The following MNS1 variants were observed in gnomAD, a reference collection of about 807,000 sequenced individuals.
MNS1 encodes meiosis-specific nuclear structural protein 1.
A neutral mutation model predicts 72.0 loss-of-function variants in MNS1; 63 were observed. The ratio of observed to expected loss-of-function variants is 0.87; its 90% confidence interval spans 0.71 to 1.08. MNS1 has a LOEUF of 1.08. Ranked by LOEUF, MNS1 falls within the 50% of genes least tolerant of loss-of-function variation. MNS1 has a pLI of 0.00. For missense variants in MNS1, 604 were observed against 562.4 expected (o/e 1.07, Z -0.75); for synonymous variants, 188 against 172.1 (o/e 1.09, Z -0.72).
chr15:56,465,112 T>G lies in MNS1; in HGVS notation c.-140A>C. 8.7e-7 allele frequency: 1 copy of G among 1,151,084 alleles called. No homozygotes were observed. Among genetic ancestry groups the G allele is most frequent in the Non-Finnish European group, 1.2e-6 (1 of 805,760 alleles). 71.3% of individuals were successfully genotyped at this position (1,151,084 alleles called of 1,614,324 possible). On this transcript the variant is annotated 5_prime_UTR_variant, in exon 1 of 10. Coordinates refer to ENST00000260453, the MANE Select transcript of MNS1 (RefSeq NM_018365.4). ...CGCGGCGTCTTGGCAACGGTGGAGC[T>G]GCGCGCCCTCCGCTCGACCAAAAGT...
intron 1 of MNS1, among the ~76,000 whole-genome samples, chr15:56,464,766 T>C (rs2051047565): frequency 6.6e-6 from 1 of 152,188 alleles, no homozygotes; most frequent in African/African-American, 2.4e-5. Flanking sequence ...ATGTATTTAA[T>C]ACACTATGCG....
chr15:56,446,835 G>A lies in MNS1; in HGVS notation c.456+6C>T, dbSNP rs764151912. The A allele has an allele frequency of 2.5e-6, 4 of 1,586,408 alleles. No homozygotes were observed. The East Asian group carries it at 6.7e-5, about 27-fold the overall frequency. On this transcript the variant is annotated splice_donor_region_variant and intron_variant, in intron 4 of 9. Transcript: ENST00000260453. ...CTAAAAACATAATGACCAGAAACAT[G>A]ATTACCATTTGTTCATATTTAATGG...
chr15:56,465,128 G>A lies in MNS1; in HGVS notation c.-156C>T. The A allele has an allele frequency of 2.3e-6, 2 of 879,660 alleles. No individual in the cohort carries two copies. Among genetic ancestry groups the A allele is most frequent in the Non-Finnish European group, 3.5e-6 (2 of 566,776 alleles). 54.5% of individuals were successfully genotyped at this position (879,660 alleles called of 1,614,324 possible). On this transcript the variant is annotated 5_prime_UTR_variant, in exon 1 of 10. Transcript: ENST00000260453. ...CGGTGGAGCTGCGCGCCCTCCGCTC[G>A]ACCAAAAGTGACCCACGCAGAACGT...
Position 56,434,191 on chromosome 15 carries a change from T to C in MNS1, c.1216A>G (p.Arg406Gly), listed in dbSNP as rs749129123. The change falls in exon 8 of 10, where the codon AGG (arginine) becomes GGG (glycine). Residue 406 changes from arginine (R) to glycine (G), a missense_variant. Physicochemically the swap from Arg to Gly is moderately radical, Grantham distance 125 (BLOSUM62 -2). Coordinates refer to ENST00000260453, the MANE Select transcript of MNS1 (RefSeq NM_018365.4). ...KQRMKQLEHR[R>G]AVEKLIEERR... is the part of the protein sequence containing the mutation. ...TCTTCAATAAGTTTTTCCACAGCCCTCCTGTGTTCCAGCTGCTTCATTCTT... is the reference window on the plus strand; with the variant it reads ...TCTTCAATAAGTTTTTCCACAGCCCCCCTGTGTTCCAGCTGCTTCATTCTT... 7 of 1,613,778 alleles carry C rather than the reference T, an allele frequency of 4.3e-6. No individual in the cohort carries two copies. Among genetic ancestry groups the C allele is most frequent in the Non-Finnish European group, 5.9e-6 (7 of 1,179,874 alleles).
At chr15:56,438,842 A>C (rs1393845337) in intron 7 of MNS1, among the ~76,000 whole-genome samples, 4 of 152,330 alleles carry the variant, frequency 2.6e-5, no homozygotes, top group Non-Finnish European at 4.4e-5. Flanking sequence ...ATATGAATAG[A>C]CACTTCTCAA....
intron 7 of MNS1, among the ~76,000 whole-genome samples, chr15:56,437,798 C>G (rs2050753787): frequency 1.3e-5 from 2 of 152,164 alleles, no homozygotes; most frequent in Non-Finnish European, 2.9e-5. Context: ...GTACAAAAAT[C>G]ACAAGCATTC....
Position 56,444,516 on chromosome 15 carries a change from G to A in MNS1, c.614C>T (p.Ala205Val). Residue 205 changes from alanine to valine, a missense_variant, in exon 5 of 10, where the codon GCT becomes GTT. Physicochemically the swap from Ala to Val is moderately conservative, Grantham distance 64 (BLOSUM62 0). Transcript: ENST00000260453. The stretch of plus-strand genomic sequence containing the variant: ...TTTCTCTTTTAGCAGCTGCTCATAA[G>A]CTTCCTGCTTTTTTTTTTCTTGTTC... ...LEEQEKKKQEAYEQLLKEKLM... is the reference protein window; with the variant it reads ...LEEQEKKKQEVYEQLLKEKLM... 3 of 1,611,820 alleles carry A rather than the reference G, an allele frequency of 1.9e-6. No homozygotes were observed. Among genetic ancestry groups the A allele is most frequent in the Non-Finnish European group, 2.5e-6 (3 of 1,179,304 alleles).
intron 7 of MNS1, among the ~76,000 whole-genome samples, chr15:56,439,810 A>G (rs1348240095): frequency 1.3e-5 from 2 of 151,912 alleles, no homozygotes; most frequent in Non-Finnish European, 2.9e-5. Flanking sequence ...TTAGGAAAAA[A>G]AAAAGGAGAA....
chr15:56,464,129 T>G lies in MNS1; in HGVS notation c.122A>C (p.Gln41Pro). The part of the protein sequence containing the change: ...LKNVNSQIRN[Q>P]MVQNENDNRV... ...GTTATCATTTTCATTCTGCACCATT[T>G]GATTCCTGATTTGACTGTTGACGTT... Residue 41 changes from glutamine (Q) to proline (P), a missense_variant, in exon 2 of 10, where the codon CAA becomes CCA. By Grantham distance (76) the Gln-to-Pro change is moderately conservative. Coordinates refer to ENST00000260453, the MANE Select transcript of MNS1 (RefSeq NM_018365.4). 1 of 1,614,126 alleles carries G rather than the reference T, an allele frequency of 6.2e-7. No individual in the cohort carries two copies. The highest frequency in any genetic ancestry group is 8.5e-7 in the Non-Finnish European group (1 of 1,180,024).
chr15:56,440,227 C>T (rs1029325490), intron 7 of MNS1, among the ~76,000 whole-genome samples: 3 of 152,088 alleles, frequency 2.0e-5, no homozygotes, highest in Admixed American at 6.6e-5. Context: ...GGTATCACTA[C>T]ATGGATATTT....
At chr15:56,460,009 A>AAAAAAAAACAT in intron 2 of MNS1, among the ~76,000 whole-genome samples, 1 of 26,406 alleles carries the variant, frequency 3.8e-5, no homozygotes, top group African/African-American at 1.5e-4. Flanking sequence ...AAAAAAAAAA[A>AAAAAAAAACAT]ATACATATAT....
At position 56,463,713 on chromosome 15, in the gene MNS1, C is replaced by T. The variant is rs577645097; in HGVS notation, c.225+313G>A. 18 of 230,344 alleles carry T rather than the reference C, an allele frequency of 7.8e-5. No individual in the cohort carries two copies. The Admixed American group carries it at 8.4e-4, about 11-fold the overall frequency. 14.3% of individuals were successfully genotyped at this position (230,344 alleles called of 1,614,324 possible). On this transcript the variant is annotated intron_variant, in intron 2 of 9. Coordinates refer to ENST00000260453, the MANE Select transcript of MNS1 (RefSeq NM_018365.4). ...AGAAGAATCGCTTGAACCCCGGAGG[C>T]AGAGGTTGCAGTGAGCCAAGATCGT...
chr15:56,450,236 C>T (rs2050938847), intron 3 of MNS1, among the ~76,000 whole-genome samples: 1 of 152,006 alleles, frequency 6.6e-6, no homozygotes. Flanking sequence ...TTTTTCAGTC[C>T]TATAACATTT....
chr15:56,438,751 C>A (rs35570374), intron 7 of MNS1, among the ~76,000 whole-genome samples: 42,850 of 151,912 alleles, frequency 0.28, 6,799 homozygotes, highest in Middle Eastern at 0.47. Context: ...CCCATCTGAC[C>A]AAGGGGTAAT....
intron 7 of MNS1, 134 bp from the exon 8 acceptor site, chr15:56,434,529 T>C: frequency 1.0e-6 from 1 of 955,138 alleles, no homozygotes; most frequent in Non-Finnish European, 1.5e-6. Flanking sequence ...AGGCTTTTCA[T>C]GATAACTTTG....
intron 3 of MNS1, 84 bp downstream of exon 3, chr15:56,456,310 G>C (rs2050981373): frequency 3.9e-6 from 5 of 1,294,636 alleles, no homozygotes; most frequent in Non-Finnish European, 5.2e-6. Context: ...CATAAACAAA[G>C]AAATTTCACT....
Position 56,443,863 on chromosome 15 carries a change from C to T in MNS1, c.687-9G>A. 6.3e-7 allele frequency: 1 copy of T among 1,577,296 alleles called. No individual in the cohort carries two copies. The highest frequency in any genetic ancestry group is 1.2e-5 in the South Asian group (1 of 84,812). On this transcript the variant is annotated splice_polypyrimidine_tract_variant and intron_variant, in intron 5 of 9. Transcript: ENST00000260453. ...ACTTTTGTTGTTTTTCCCTGAAAAG[C>T]AATAACAAGTACAGATTTATAGTAA...
At chr15:56,453,241 A>G (rs113322979) in intron 3 of MNS1, among the ~76,000 whole-genome samples, 187 of 152,310 alleles carry the variant, frequency 1.2e-3, no homozygotes, top group African/African-American at 4.2e-3. Context: ...ACATTCAAAT[A>G]TCAACTAAAT....
chr15:56,462,009 TTGTGGG>T (rs2051026340), intron 2 of MNS1, among the ~76,000 whole-genome samples: 1 of 103,042 alleles, frequency 9.7e-6, no homozygotes, highest in Non-Finnish European at 2.1e-5. Context: ...TTTTTTTTTT[TTGTGGG>T]GTGGGGGCAG....
Sources: gnomAD v4.1 joint callset for allele counts (sites outside exome capture counted in the v4.1 genomes callset) on GRCh38, gnomAD v4.1.1 for gene constraint, MANE v1.5 for transcripts, NCBI Gene and HGNC (gene_info 2026-07-23, HGNC 2026-07-21) for gene names.